Variants in VPS13B observed in about 807,000 individuals in gnomAD.
VPS13B encodes the protein intermembrane lipid transfer protein VPS13B.
VPS13B carries 285 observed loss-of-function variants against 426.4 expected under a neutral mutation model. The ratio of observed to expected loss-of-function variants is 0.67; its 90% CI spans 0.61 to 0.74. The LOEUF (loss-of-function observed/expected upper bound fraction) is 0.74. VPS13B is among the 30% of genes least tolerant of loss of function. The pLI is 0.00. For synonymous variants in VPS13B, 1,676 were observed against 1,676.4 expected, an observed-to-expected ratio of 1.00 and a Z score of 0.01; for missense variants, 4,537 against 4,782.6, an observed-to-expected ratio of 0.95 and a Z score of 1.51.
chr8:99,368,351 G>A (rs1404053120), intron 19 of VPS13B, among the ~76,000 whole-genome samples: 2 of 152,158 alleles, frequency 1.3e-5, no homozygotes, highest in Non-Finnish European at 2.9e-5. Flanking sequence ...CACAATGTTA[G>A]CTTATGTATT....
chr8:99,608,001 G>T (rs915779886), intron 33 of VPS13B, among the ~76,000 whole-genome samples: 6 of 152,012 alleles, frequency 3.9e-5, no homozygotes, highest in African/African-American at 1.4e-4. Context: ...TGTAATATTT[G>T]TTTTGGTTGA....
intron 30 of VPS13B, among the ~76,000 whole-genome samples, chr8:99,540,034 TA>T (rs1823489315): frequency 5.4e-4 from 2 of 3,672 alleles, no homozygotes; most frequent in Non-Finnish European, 1.1e-3. Context: ...TATATATATA[TA>T]TATATATATA....
chr8:99,691,434 T>C (rs1359748656), intron 35 of VPS13B, among the ~76,000 whole-genome samples: 1 of 152,134 alleles, frequency 6.6e-6, no homozygotes, highest in Non-Finnish European at 1.5e-5. Flanking sequence ...TAAGGTGTTT[T>C]TCCTGTTTAA....
At chr8:99,191,429 G>C (rs1421315104) in intron 16 of VPS13B, among the ~76,000 whole-genome samples, 2 of 139,064 alleles carry the variant, frequency 1.4e-5, no homozygotes. Context: ...TGTCGCCCAG[G>C]CTGGAATGCA....
chr8:99,730,129 G>C (rs1369097021), intron 39 of VPS13B, among the ~76,000 whole-genome samples: 1 of 152,188 alleles, frequency 6.6e-6, no homozygotes, highest in East Asian at 1.9e-4. Flanking sequence ...CCAGAATCCT[G>C]AGCCTTTTTA....
chr8:99,751,903 T>C (rs1220886390), intron 39 of VPS13B, among the ~76,000 whole-genome samples: 1 of 152,200 alleles, frequency 6.6e-6, no homozygotes, highest in African/African-American at 2.4e-5. Context: ...CCAGCTGATG[T>C]CTGCACACAC....
At chr8:99,436,031 C>G (rs898624162) in intron 22 of VPS13B, among the ~76,000 whole-genome samples, 2 of 152,026 alleles carry the variant, frequency 1.3e-5, no homozygotes, top group African/African-American at 4.8e-5. Context: ...CAAGGGAATA[C>G]CGTTTTAAAA....
chr8:99,491,202 A>T (rs984864998), intron 25 of VPS13B, among the ~76,000 whole-genome samples: 1 of 152,090 alleles, frequency 6.6e-6, no homozygotes, highest in Non-Finnish European at 1.5e-5. Context: ...GTTTCCATGT[A>T]GTTGTGTGGT....
chr8:99,307,350 C>T (rs1320422024), intron 19 of VPS13B, among the ~76,000 whole-genome samples: 2 of 151,632 alleles, frequency 1.3e-5, no homozygotes, highest in Non-Finnish European at 2.9e-5. Context: ...AATTACTGTC[C>T]TCAGGCTTTA....
chr8:99,826,260 T>C (rs898891764), intron 51 of VPS13B, among the ~76,000 whole-genome samples: 1 of 152,232 alleles, frequency 6.6e-6, no homozygotes, highest in Non-Finnish European at 1.5e-5. Flanking sequence ...CAGTGGTACA[T>C]AGTTCTCCTT....
At chr8:99,432,866 T>C (rs184767901) in intron 22 of VPS13B, among the ~76,000 whole-genome samples, 4 of 152,280 alleles carry the variant, frequency 2.6e-5, no homozygotes, top group Non-Finnish European at 5.9e-5. Context: ...ACTGACAAAA[T>C]TTATTCATTT....
chr8:99,472,075 G>T (rs1013290572), intron 24 of VPS13B, among the ~76,000 whole-genome samples: 1 of 152,116 alleles, frequency 6.6e-6, no homozygotes, highest in East Asian at 1.9e-4. Context: ...CAAATAAAAA[G>T]TGTGTTACCA....
intron 17 of VPS13B, chr8:99,209,681 G>A (rs1277891557): frequency 1.1e-6 from 1 of 949,936 alleles, no homozygotes; most frequent in Non-Finnish European, 1.3e-6. Flanking sequence ...TGCCGGGATT[G>A]GAGGCCCAAG....
intron 39 of VPS13B, among the ~76,000 whole-genome samples, chr8:99,748,988 A>C (rs970324416): frequency 1.3e-5 from 2 of 152,092 alleles, no homozygotes; most frequent in African/African-American, 4.8e-5. Context: ...AATTGCTGAC[A>C]AACTATATAC....
At position 99,163,348 on chromosome 8, in the gene VPS13B, C is replaced by T. The variant is rs989957360; in HGVS notation, c.2208+6605C>T. On this transcript the variant is annotated intron_variant, in intron 15 of 61. Coordinates refer to ENST00000357162, the MANE Select transcript of VPS13B (RefSeq NM_152564.5). ...CCAGCTGGCTTCACCTAGTGGATCC[C>T]GCACCGGGGCTGCAGGTGGAGCTGC... Among the ~76,000 whole-genome samples the T allele has an allele frequency of 5.3e-5, 8 of 152,248 alleles. No homozygotes were observed. The East Asian group carries it at 9.6e-4, about 18-fold the overall frequency.
At chr8:99,643,441 T>G (rs972718448) in intron 34 of VPS13B, among the ~76,000 whole-genome samples, 4 of 152,300 alleles carry the variant, frequency 2.6e-5, no homozygotes, top group Middle Eastern at 6.8e-3. Context: ...CACAGCAGGA[T>G]CCTGAAAGGT....
At position 99,014,692 on chromosome 8, in the gene VPS13B, C is replaced by G. The variant is rs79241471; in HGVS notation, c.147+757C>G. 2.1e-3 allele frequency among the ~76,000 whole-genome samples: 129 copies of G among 61,218 alleles called. 2 individuals carry two copies. Among genetic ancestry groups the G allele is most frequent in the Non-Finnish European group, 3.5e-3 (87 of 25,170 alleles). 40.2% of individuals were successfully genotyped at this position (61,218 alleles called of 152,430 possible). A position where few individuals can be genotyped will look rare whatever the true frequency, so the allele number is the denominator to read the frequency against. On this transcript the variant is annotated intron_variant, in intron 2 of 61. Transcript: ENST00000357162. ...CTTGTGGGGGTCGAGGAAAAAAAGA[C>G]AAAAAAAAAAAAAAAAAAGAGCAGA... is the stretch of plus-strand genomic sequence containing the variant.
intron 23 of VPS13B, among the ~76,000 whole-genome samples, chr8:99,443,263 G>A (rs1817761023): frequency 1.3e-5 from 2 of 151,936 alleles, no homozygotes; most frequent in Admixed American, 1.3e-4. Context: ...TAATAACAAG[G>A]CTCAAATTTT....
At chr8:99,122,177 T>A (rs1306142421) in intron 8 of VPS13B, among the ~76,000 whole-genome samples, 2 of 151,676 alleles carry the variant, frequency 1.3e-5, no homozygotes, top group African/African-American at 2.4e-5. Context: ...AATTTTTTTT[T>A]AAAGGATTGT....
Sources: allele counts gnomAD v4.1 joint callset (sites outside exome capture counted in the v4.1 genomes callset), GRCh38; gene constraint gnomAD v4.1.1; transcripts MANE v1.5; gene names NCBI Gene and HGNC (gene_info 2026-07-23, HGNC 2026-07-21).